FMNL2: variants seen among roughly 807,000 people sequenced by gnomAD.
FMNL2 encodes the protein formin like 2.
Under a neutral mutation model 130.2 loss-of-function variants are expected in FMNL2, and 51 were observed. That is an observed-to-expected ratio of 0.39 (90% CI 0.31 to 0.49). The LOEUF is 0.49. FMNL2 is among the 20% of genes least tolerant of loss of function. FMNL2 has a pLI of 0.85. For missense variants in FMNL2, 977 were observed against 1,316.2 expected (o/e 0.74, Z 3.99); for synonymous variants, 465 against 467.1 (o/e 1.00, Z 0.06).
intron 4 of FMNL2, among the ~76,000 whole-genome samples, chr2:152,551,019 G>A (rs1694908299): frequency 6.6e-6 from 1 of 151,802 alleles, no homozygotes; most frequent in African/African-American, 2.4e-5. Flanking sequence ...CGTGCTTGTA[G>A]TCCCAGCTGC....
chr2:152,566,062 G>A (rs1306483736), intron 6 of FMNL2, among the ~76,000 whole-genome samples: 1 of 152,192 alleles, frequency 6.6e-6, no homozygotes, highest in African/African-American at 2.4e-5. Flanking sequence ...TTACAAGCAT[G>A]AGCCACCATG....
chr2:152,578,015 G>A (rs1202821001), intron 7 of FMNL2, among the ~76,000 whole-genome samples: 1 of 152,094 alleles, frequency 6.6e-6, no homozygotes, highest in Non-Finnish European at 1.5e-5. Context: ...GGGGAAGGGA[G>A]GAATTTCTGG....
Position 152,335,221 on chromosome 2 carries a change from G to C in FMNL2, c.-383G>C, listed in dbSNP as rs1681319822. The C allele has an allele frequency of 6.4e-6, 1 of 155,952 alleles. No homozygotes were observed. The highest frequency in any genetic ancestry group is 1.4e-5 in the Non-Finnish European group (1 of 71,016). 9.7% of individuals were successfully genotyped at this position (155,952 alleles called of 1,614,324 possible). On this transcript the variant is annotated 5_prime_UTR_variant, in exon 1 of 26. Coordinates refer to ENST00000288670, the MANE Select transcript of FMNL2 (RefSeq NM_052905.4). Reference sequence around the variant, plus strand: ...GCAGGCGCAGCCGTGGCCGGCTAGGGCTGGAAGTGTCAGCGGCGGCCGCGG... The same window carrying C: ...GCAGGCGCAGCCGTGGCCGGCTAGGCCTGGAAGTGTCAGCGGCGGCCGCGG...
At chr2:152,583,461 G>A (rs1301015769) in intron 9 of FMNL2, among the ~76,000 whole-genome samples, 1 of 152,188 alleles carries the variant, frequency 6.6e-6, no homozygotes, top group Non-Finnish European at 1.5e-5. Flanking sequence ...GGGAGTGTGG[G>A]CATGCTTGAG....
intron 6 of FMNL2, among the ~76,000 whole-genome samples, chr2:152,565,516 T>C (rs946385201): frequency 6.6e-6 from 1 of 152,226 alleles, no homozygotes; most frequent in African/African-American, 2.4e-5. Context: ...TCACCCTTGC[T>C]ATTGATCTTT....
chr2:152,646,188 C>A (rs149189036), intron 25 of FMNL2, among the ~76,000 whole-genome samples: 8 of 151,172 alleles, frequency 5.3e-5, no homozygotes, highest in Non-Finnish European at 1.0e-4. Flanking sequence ...ACAAAGTTAG[C>A]CAGGCATGGT....
chr2:152,417,971 G>A (rs999925282), intron 1 of FMNL2, among the ~76,000 whole-genome samples: 9 of 151,984 alleles, frequency 5.9e-5, no homozygotes, highest in African/African-American at 1.7e-4. Flanking sequence ...TCAGCCTCCC[G>A]AGTAGGTGGG....
At chr2:152,445,883 C>T (rs778216320) in intron 1 of FMNL2, among the ~76,000 whole-genome samples, 15 of 152,178 alleles carry the variant, frequency 9.9e-5, no homozygotes, top group Non-Finnish European at 1.6e-4. Context: ...CCTAGTACCT[C>T]CCCTCCTTTC....
intron 9 of FMNL2, among the ~76,000 whole-genome samples, chr2:152,589,959 ATATATATATATATATATATATATATG>A (rs1327789828): frequency 7.7e-5 from 1 of 12,906 alleles, no homozygotes; most frequent in Admixed American, 1.2e-3. Flanking sequence ...ATATATATAT[ATATATATATATATATATATATATATG>A]TATATGTATA....
chr2:152,611,732 G>A, intron 11 of FMNL2, 127 bp downstream of exon 11: 1 of 608,144 alleles, frequency 1.6e-6, no homozygotes, highest in Non-Finnish European at 2.9e-6. Context: ...TGTAGTGCTA[G>A]TTAAAGGGAA....
intron 7 of FMNL2, among the ~76,000 whole-genome samples, chr2:152,577,303 G>T (rs1696531424): frequency 6.6e-6 from 1 of 152,126 alleles, no homozygotes; most frequent in Admixed American, 6.6e-5. Flanking sequence ...CTACAAAGAT[G>T]GGAAGACTGC....
At chr2:152,465,939 G>A (rs902342008) in intron 1 of FMNL2, among the ~76,000 whole-genome samples, 2 of 152,220 alleles carry the variant, frequency 1.3e-5, no homozygotes, top group African/African-American at 2.4e-5. Flanking sequence ...CCAGAAAGTT[G>A]CTAGAAAGGT....
chr2:152,557,426 G>A (rs984140523), intron 4 of FMNL2, among the ~76,000 whole-genome samples: 2 of 152,196 alleles, frequency 1.3e-5, no homozygotes, highest in Non-Finnish European at 2.9e-5. Context: ...TCTCTGAGGC[G>A]CTTGAGGGGA....
rs1238821812 is a variant in FMNL2, at chr2:152,581,044, A to G, written c.871A>G (p.Lys291Glu). The change falls in exon 9 of 26, where the codon AAA (lysine) becomes GAA (glutamate). Residue 291 changes from lysine to glutamate, a missense_variant. Coordinates refer to ENST00000288670, the MANE Select transcript of FMNL2 (RefSeq NM_052905.4). ...EIILSAFDNFKEVCGEKQRFE... is the reference protein window; with the variant it reads ...EIILSAFDNFEEVCGEKQRFE... ...CATTTTATCAGCATTTGATAACTTT[A>G]AAGAGGTAGGCTACACTATAGTTTT... 1.9e-6 allele frequency: 3 copies of G among 1,613,698 alleles called. No homozygotes were observed. The highest frequency in any genetic ancestry group is 3.3e-5 in the Admixed American group (2 of 60,020).
chr2:152,636,706 C>A (rs904384996), intron 22 of FMNL2, 116 bp downstream of exon 22: 1 of 1,245,346 alleles, frequency 8.0e-7, no homozygotes, highest in Non-Finnish European at 1.1e-6. Context: ...TGGAGGGTAG[C>A]TTTCTTGTTG....
rs1254331591 is a variant in FMNL2 at position 152,619,172 on chromosome 2, G to A, written c.1627+14G>A. Reference sequence around the variant, plus strand: ...CACCTGAAACAGGTAAGAAGCCTTGGCAGGAGGACTGAGGAAGTTTTGGAA... The same window carrying A: ...CACCTGAAACAGGTAAGAAGCCTTGACAGGAGGACTGAGGAAGTTTTGGAA... On this transcript the variant is annotated intron_variant, in intron 14 of 25. Transcript: ENST00000288670. 1 of 1,536,160 alleles carries A rather than the reference G, an allele frequency of 6.5e-7. No homozygotes were observed. Among genetic ancestry groups the A allele is most frequent in the East Asian group, 2.3e-5 (1 of 44,154 alleles).
intron 1 of FMNL2, among the ~76,000 whole-genome samples, chr2:152,337,907 G>C (rs1193212174): frequency 6.6e-6 from 1 of 152,078 alleles, no homozygotes; most frequent in Admixed American, 6.6e-5. Context: ...CCATTGATGC[G>C]TTCCTTGTCC....
intron 1 of FMNL2, among the ~76,000 whole-genome samples, chr2:152,489,909 C>G (rs573168953): frequency 6.6e-6 from 1 of 152,090 alleles, no homozygotes. Context: ...GTTTCTTAGT[C>G]GTATTAACTG....
chr2:152,591,850 A>T (rs187853393), intron 9 of FMNL2, among the ~76,000 whole-genome samples: 7 of 152,070 alleles, frequency 4.6e-5, no homozygotes, highest in African/African-American at 1.7e-4. Context: ...AACGCCTGTA[A>T]TCCCAAAACT....
Sources: gnomAD v4.1 joint callset for allele counts (sites outside exome capture counted in the v4.1 genomes callset) on GRCh38, gnomAD v4.1.1 for gene constraint, MANE v1.5 for transcripts, NCBI Gene and HGNC (gene_info 2026-07-23, HGNC 2026-07-21) for gene names.